Variants in TUBGCP4 observed in about 807,000 individuals in gnomAD.
The protein encoded by TUBGCP4 is gamma-tubulin complex component 4.
A neutral mutation model predicts 91.6 loss-of-function variants in TUBGCP4; 54 were observed. The observed-to-expected ratio is 0.59, with a 90% CI of 0.47 to 0.74. The LOEUF is 0.74. Among genes scored for constraint, TUBGCP4 ranks in the 30% least tolerant of loss-of-function variants. The probability of loss-of-function intolerance (pLI) is 0.00; values close to 1 mark genes in which losing one functional copy is unlikely to be tolerated. For synonymous variants in TUBGCP4, 297 were observed against 302.8 expected, an observed-to-expected ratio of 0.98 and a Z score of 0.20; for missense variants, 593 against 800.9, an observed-to-expected ratio of 0.74 and a Z score of 3.13.
intron 13 of TUBGCP4, 76 bp downstream of exon 13, chr15:43,398,255 T>C (rs2044614395): frequency 1.6e-5 from 25 of 1,532,954 alleles, no homozygotes; most frequent in South Asian, 1.6e-4. Context: ...AGGAACAGAA[T>C]TAGTGGGAAA....
Position 43,407,591 on chromosome 15 carries a change from TGAA to T in TUBGCP4, c.*2382_*2384del. Reference sequence around the variant, plus strand: ...AATATCTGCAAGGAGCAAGGGAAAGTGAAGAAGGAAAGGACACTCAACTTAGCC... The same window carrying T: ...AATATCTGCAAGGAGCAAGGGAAAGTGAAGGAAAGGACACTCAACTTAGCC... On this transcript the variant is annotated 3_prime_UTR_variant, in exon 18 of 18. Transcript: ENST00000564079. The T allele has an allele frequency of 6.3e-7, 1 of 1,597,996 alleles. No individual in the cohort carries two copies. Among genetic ancestry groups the T allele is most frequent in the South Asian group, 1.1e-5 (1 of 89,708 alleles).
At position 43,409,270 on chromosome 15, in the gene TUBGCP4, C is replaced by A. The variant is rs1241736652; in HGVS notation, c.*4056C>A. Reference sequence around the variant, plus strand: ...TCTCACTGGAAGGCCCAAGTAATTTCCATAGATGTTCTCTCTGCCTCACCT... The same window carrying A: ...TCTCACTGGAAGGCCCAAGTAATTTACATAGATGTTCTCTCTGCCTCACCT... On this transcript the variant is annotated 3_prime_UTR_variant, in exon 18 of 18. Coordinates refer to ENST00000564079, the MANE Select transcript of TUBGCP4 (RefSeq NM_014444.5). The A allele has an allele frequency of 3.2e-6, 2 of 628,842 alleles. No homozygotes were observed. The highest frequency in any genetic ancestry group is 3.7e-5 in the African/African-American group (2 of 54,552). 39.0% of individuals were successfully genotyped at this position (628,842 alleles called of 1,614,324 possible).
intron 7 of TUBGCP4, among the ~76,000 whole-genome samples, chr15:43,384,594 C>T (rs377101139): frequency 6.6e-6 from 1 of 152,110 alleles, no homozygotes; most frequent in African/African-American, 2.4e-5. Context: ...TAAAATGTTA[C>T]AAGAGATGGT....
rs60932318 is a variant in TUBGCP4 at position 43,377,611 on chromosome 15, CAAAAAAA to C, written c.385-225_385-219del. 5.7e-3 allele frequency: 1,474 copies of C among 259,666 alleles called. 10 individuals carry two copies. Among genetic ancestry groups the C allele is most frequent in the African/African-American group, 7.3e-3 (218 of 29,760 alleles). The allele number at this position is 259,666 out of a possible 1,614,324, so 16.1% of individuals were successfully genotyped here. On this transcript the variant is annotated intron_variant, in intron 4 of 17. Coordinates refer to ENST00000564079, the MANE Select transcript of TUBGCP4 (RefSeq NM_014444.5). ...TGGGTGACAGAGTGAGACCCTGTCT[CAAAAAAA>C]AAAAAAAAAAGAAAAAAGAAAAAAA... is the stretch of plus-strand genomic sequence containing the variant.
Position 43,395,672 on chromosome 15 carries a change from T to A in TUBGCP4, c.1155T>A (p.Thr385=), listed in dbSNP as rs753597130. 1 of 1,613,792 alleles carries A rather than the reference T, an allele frequency of 6.2e-7. No homozygotes were observed. The highest frequency in any genetic ancestry group is 1.1e-5 in the South Asian group (1 of 91,082). ...TAQHMLKTPP[T]AVTEHDVNVA... ...AACACATGTTGAAAACACCACCCACTGCAGTAACTGAGCATGGTAATTGTC... is the reference window on the plus strand; with the variant it reads ...AACACATGTTGAAAACACCACCCACAGCAGTAACTGAGCATGGTAATTGTC... The change falls in exon 11 of 18, where the codon ACT becomes ACA. Residue 385 remains threonine (T), a synonymous_variant. Coordinates refer to ENST00000564079, the MANE Select transcript of TUBGCP4 (RefSeq NM_014444.5).
At chr15:43,403,969 A>G (rs1273668995) in intron 16 of TUBGCP4, 170 bp downstream of exon 16, 4 of 591,862 alleles carry the variant, frequency 6.8e-6, no homozygotes, top group Non-Finnish European at 8.8e-6. Context: ...TGAAGCAGGT[A>G]ATACTGTGCC....
Position 43,408,492 on chromosome 15 carries a change from C to A in TUBGCP4, c.*3278C>A, listed in dbSNP as rs1329363007. The stretch of plus-strand genomic sequence containing the variant: ...CAAGACTTCATCTTAAAAAACTAAG[C>A]CCTATATTAGGGTCCCCCTTCTCTT... On this transcript the variant is annotated 3_prime_UTR_variant, in exon 18 of 18. Coordinates refer to ENST00000564079, the MANE Select transcript of TUBGCP4 (RefSeq NM_014444.5). 2 of 263,574 alleles carry A rather than the reference C, an allele frequency of 7.6e-6. No individual in the cohort carries two copies. The highest frequency in any genetic ancestry group is 1.0e-4 in the South Asian group (2 of 19,532). The allele number at this position is 263,574 out of a possible 1,614,324, so 16.3% of individuals were successfully genotyped here.
At position 43,398,190 on chromosome 15, in the gene TUBGCP4, C is replaced by A; in HGVS notation, c.1418+11C>A. On this transcript the variant is annotated intron_variant, in intron 13 of 17. Coordinates refer to ENST00000564079, the MANE Select transcript of TUBGCP4 (RefSeq NM_014444.5). ...AGCTGTCCTGGAAAAGTGAGTATTT[C>A]TGAGTTTCTCACAGGTAAATATGAC... The A allele has an allele frequency of 6.2e-7, 1 of 1,607,176 alleles. No individual in the cohort carries two copies. The highest frequency in any genetic ancestry group is 1.1e-5 in the South Asian group (1 of 90,350).
At chr15:43,403,537 CCT>C (rs2044747568) in intron 15 of TUBGCP4, 144 bp from the exon 16 acceptor site, 1 of 617,390 alleles carries the variant, frequency 1.6e-6, no homozygotes, top group African/African-American at 1.8e-5. Flanking sequence ...GGCTGGCAGG[CCT>C]TGCACGTGGC....
At chr15:43,403,926 T>A in intron 16 of TUBGCP4, 127 bp downstream of exon 16, 2 of 678,444 alleles carry the variant, frequency 2.9e-6, no homozygotes, top group South Asian at 1.8e-5. Context: ...AGAGATAAGA[T>A]ACAAAGATAA....
chr15:43,376,942 T>A, intron 3 of TUBGCP4, 72 bp from the exon 4 acceptor site: 1 of 1,295,360 alleles, frequency 7.7e-7, no homozygotes, highest in Non-Finnish European at 1.1e-6. Flanking sequence ...GAGATTCTCT[T>A]CTCATTTTCA....
At chr15:43,399,091 T>C in intron 13 of TUBGCP4, 1 of 1,255,806 alleles carries the variant, frequency 8.0e-7, no homozygotes, top group Non-Finnish European at 1.0e-6. Context: ...GTCTATCATT[T>C]CATTATGTTT....
Position 43,386,347 on chromosome 15 carries a change from A to ATG in TUBGCP4, c.1014+18_1014+19insGT, listed in dbSNP as rs2044362371. The ATG allele has an allele frequency of 3.8e-5, 1 of 26,560 alleles. No individual in the cohort carries two copies. The highest frequency in any genetic ancestry group is 5.4e-5 in the Non-Finnish European group (1 of 18,432). The allele number at this position is 26,560 out of a possible 1,614,324, so 1.6% of individuals were successfully genotyped here. ...GTGGCTGAGGTTTGTGTTTCATCGT[A>ATG]TATATATATATATATATATATATAT... On this transcript the variant is annotated intron_variant, in intron 9 of 17. Coordinates refer to ENST00000564079, the MANE Select transcript of TUBGCP4 (RefSeq NM_014444.5).
intron 6 of TUBGCP4, among the ~76,000 whole-genome samples, chr15:43,381,456 G>C (rs918101716): frequency 6.6e-6 from 1 of 152,074 alleles, no homozygotes; most frequent in African/African-American, 2.4e-5. Context: ...ACACTTGTAG[G>C]CTGGGCTCGG....
At chr15:43,400,373 A>G (rs754262527) in intron 14 of TUBGCP4, 152 bp downstream of exon 14, 11 of 518,878 alleles carry the variant, frequency 2.1e-5, no homozygotes, top group Non-Finnish European at 3.3e-5. Context: ...TGTTTCTTAA[A>G]ATAAAAAAAG....
chr15:43,372,189 C>T (rs181826264), intron 1 of TUBGCP4, among the ~76,000 whole-genome samples: 1 of 152,002 alleles, frequency 6.6e-6, no homozygotes, highest in African/African-American at 2.4e-5. Flanking sequence ...TTGTTTCTAC[C>T]AGTTAACAAA....
rs143698753 is a variant in TUBGCP4, at chr15:43,373,147, G to A, written c.78+1715G>A. Among the ~76,000 whole-genome samples, 24 of 152,172 alleles carry A rather than the reference G, an allele frequency of 1.6e-4. No homozygotes were observed. The East Asian group carries it at 4.3e-3, about 27-fold the overall frequency. On this transcript the variant is annotated intron_variant, in intron 1 of 17. Transcript: ENST00000564079. ...ATACATAAGCTAGGTATAAACTCAA[G>A]CATAATACTCTTAAACAACTATAAA...
At chr15:43,389,558 A>G (rs2044433905) in intron 9 of TUBGCP4, among the ~76,000 whole-genome samples, 1 of 152,068 alleles carries the variant, frequency 6.6e-6, no homozygotes, top group South Asian at 2.1e-4. Context: ...ATTAAGGTTC[A>G]GTTTCTTGCT....
intron 5 of TUBGCP4, 51 bp downstream of exon 5, chr15:43,377,954 A>C (rs1292612818): frequency 1.4e-6 from 2 of 1,388,688 alleles, no homozygotes; most frequent in Non-Finnish European, 2.0e-6. Flanking sequence ...AGGGAATATT[A>C]CTAATTAATT....
Sources: gnomAD v4.1 joint callset for allele counts (sites outside exome capture counted in the v4.1 genomes callset) on GRCh38, gnomAD v4.1.1 for gene constraint, MANE v1.5 for transcripts, NCBI Gene and HGNC (gene_info 2026-07-23, HGNC 2026-07-21) for gene names.